Variants in BOD1 observed in about 807,000 individuals in gnomAD.
BOD1 encodes biorientation of chromosomes in cell division 1, also known as biorientation of chromosomes in cell division protein 1.
A neutral mutation model predicts 15.7 loss-of-function variants in BOD1; 11 were observed. The ratio of observed to expected loss-of-function variants is 0.70; its 90% confidence interval spans 0.44 to 1.16. The LOEUF (loss-of-function observed/expected upper bound fraction) is 1.16, where lower values mean the gene tolerates loss of function less well. BOD1 is among the 50% of genes most tolerant of loss of function. The probability of loss-of-function intolerance (pLI) is 0.00; values close to 1 mark genes in which losing one functional copy is unlikely to be tolerated. For missense variants in BOD1, 182 were observed against 244.5 expected (o/e 0.74, Z 1.70); for synonymous variants, 105 against 103.5 (o/e 1.01, Z -0.09).
intron 2 of BOD1, among the ~76,000 whole-genome samples, chr5:173,612,119 C>G (rs1197929451): frequency 6.6e-6 from 1 of 152,240 alleles, no homozygotes; most frequent in Non-Finnish European, 1.5e-5. Flanking sequence ...AGGCACTGGG[C>G]ATCTTCTGCT....
At chr5:173,609,165 C>T (rs895841915) in intron 3 of BOD1, 73 bp downstream of exon 3, 2 of 1,422,558 alleles carry the variant, frequency 1.4e-6, no homozygotes, top group Middle Eastern at 2.5e-4. Flanking sequence ...TTACGGCCTA[C>T]CCCATTCCTA....
chr5:173,614,259 T>C (rs552082978), intron 1 of BOD1, among the ~76,000 whole-genome samples: 1 of 152,340 alleles, frequency 6.6e-6, no homozygotes, highest in East Asian at 1.9e-4. Flanking sequence ...CTTGTAAGCA[T>C]AAATCCTGAT....
At chr5:173,616,139 G>A (rs1320857987) in intron 1 of BOD1, 61 bp downstream of exon 1, 3 of 1,539,454 alleles carry the variant, frequency 1.9e-6, no homozygotes, top group Non-Finnish European at 2.6e-6. Context: ...GAAAATCAAA[G>A]CTGCCACCCG....
chr5:173,613,108 A>C (rs1015352570), intron 2 of BOD1, 23 bp downstream of exon 2: 2 of 1,475,516 alleles, frequency 1.4e-6, no homozygotes, highest in Middle Eastern at 1.8e-4. Flanking sequence ...CCTTTTCAAA[A>C]GCTTTAAATT....
At chr5:173,615,324 C>T (rs1167149274) in intron 1 of BOD1, among the ~76,000 whole-genome samples, 1 of 152,190 alleles carries the variant, frequency 6.6e-6, no homozygotes, top group East Asian at 1.9e-4. Flanking sequence ...AATAAACGTT[C>T]AACGAATAAA....
At chr5:173,616,099 A>T in intron 1 of BOD1, 101 bp downstream of exon 1, 1 of 1,436,986 alleles carries the variant, frequency 7.0e-7, no homozygotes, top group Non-Finnish European at 9.4e-7. Context: ...TGAGATTTCT[A>T]AGCTATCTTT....
Position 173,608,040 on chromosome 5 carries a change from C to T in BOD1, c.*254G>A. On this transcript the variant is annotated 3_prime_UTR_variant, in exon 4 of 4. Coordinates refer to ENST00000311086, the MANE Select transcript of BOD1 (RefSeq NM_138369.3). ...AACCCTGGGTTGCTGTAGTGTTTCT[C>T]TCTCTGTAGTGTCTACTTGGTGTCA... The T allele has an allele frequency of 4.2e-6, 2 of 475,714 alleles. No individual in the cohort carries two copies. The highest frequency in any genetic ancestry group is 5.8e-5 in the East Asian group (2 of 34,368). 29.5% of individuals were successfully genotyped at this position (475,714 alleles called of 1,614,324 possible).
At chr5:173,613,681 C>A (rs543288935) in intron 1 of BOD1, among the ~76,000 whole-genome samples, 1 of 152,176 alleles carries the variant, frequency 6.6e-6, no homozygotes, top group Non-Finnish European at 1.5e-5. Context: ...AGCATTACTG[C>A]GGCAAAGTTT....
intron 2 of BOD1, among the ~76,000 whole-genome samples, chr5:173,612,833 G>A (rs1358880810): frequency 3.3e-5 from 5 of 152,180 alleles, no homozygotes; most frequent in African/African-American, 1.2e-4. Flanking sequence ...TCACATATAT[G>A]TTTGGACAAC....
chr5:173,608,400 A>C lies in BOD1; in HGVS notation c.*2-108T>G, dbSNP rs748897687. Reference sequence around the variant, plus strand: ...AATTAAAAAGAAAGACTTAAAATGAATGTTTTACACTCCATATTGGACTCA... The same window carrying C: ...AATTAAAAAGAAAGACTTAAAATGACTGTTTTACACTCCATATTGGACTCA... On this transcript the variant is annotated intron_variant, in intron 3 of 3. Transcript: ENST00000311086. 1.7e-5 allele frequency: 15 copies of C among 870,830 alleles called. No homozygotes were observed. In the Admixed American group the frequency reaches 2.8e-4, roughly 16 times the overall value. 53.9% of individuals were successfully genotyped at this position (870,830 alleles called of 1,614,324 possible). A position where few individuals can be genotyped will look rare whatever the true frequency, so the allele number is the denominator to read the frequency against.
intron 2 of BOD1, among the ~76,000 whole-genome samples, chr5:173,611,545 A>C (rs537444459): frequency 1.4e-3 from 209 of 148,574 alleles, no homozygotes; most frequent in African/African-American, 5.1e-3. Flanking sequence ...AAAAAAAAAA[A>C]CAACAACTTC....
At chr5:173,615,017 T>C (rs1755454983) in intron 1 of BOD1, among the ~76,000 whole-genome samples, 1 of 152,184 alleles carries the variant, frequency 6.6e-6, no homozygotes, top group African/African-American at 2.4e-5. Flanking sequence ...TGTTTTAAAA[T>C]CACACACAAA....
At chr5:173,612,843 C>G (rs1453308804) in intron 2 of BOD1, among the ~76,000 whole-genome samples, 1 of 152,218 alleles carries the variant, frequency 6.6e-6, no homozygotes, top group East Asian at 1.9e-4. Flanking sequence ...GTTTGGACAA[C>G]ACTGAAACTT....
At chr5:173,611,458 G>C (rs1010052729) in intron 2 of BOD1, among the ~76,000 whole-genome samples, 1 of 151,936 alleles carries the variant, frequency 6.6e-6, no homozygotes, top group African/African-American at 2.4e-5. Flanking sequence ...AAGAATTGTG[G>C]AGAAATGTCC....
intron 1 of BOD1, 120 bp from the exon 2 acceptor site, chr5:173,613,375 G>A: frequency 1.7e-6 from 2 of 1,197,870 alleles, no homozygotes; most frequent in East Asian, 2.5e-5. Flanking sequence ...CTTCCACTGT[G>A]CATGAAGATC....
chr5:173,616,013 G>T (rs1390896257), intron 1 of BOD1, among the ~76,000 whole-genome samples, 187 bp downstream of exon 1: 1 of 152,234 alleles, frequency 6.6e-6, no homozygotes, highest in Non-Finnish European at 1.5e-5. Flanking sequence ...AGTAGTAAAT[G>T]TATCAGGCAG....
chr5:173,611,081 A>G (rs1755338587), intron 2 of BOD1, among the ~76,000 whole-genome samples: 1 of 152,144 alleles, frequency 6.6e-6, no homozygotes, highest in Admixed American at 6.5e-5. Context: ...AGCATCCCCA[A>G]CTGACCAAAA....
chr5:173,612,188 T>C lies in BOD1; in HGVS notation c.362+943A>G, dbSNP rs149016845. On this transcript the variant is annotated intron_variant, in intron 2 of 3. Coordinates refer to ENST00000311086, the MANE Select transcript of BOD1 (RefSeq NM_138369.3). ...AAGTACTAGCTTGTTAGTAAAACAC[T>C]TTTAAAAACTTTAGAAATCTTAAAA... 1.0e-3 allele frequency among the ~76,000 whole-genome samples: 154 copies of C among 152,374 alleles called. 4 individuals carry two copies. In the East Asian group the frequency reaches 0.029, roughly 28 times the overall value.
chr5:173,616,345 C>G lies in BOD1; in HGVS notation c.92G>C (p.Gly31Ala), dbSNP rs1259178625. 2 of 1,527,048 alleles carry G rather than the reference C, an allele frequency of 1.3e-6. No homozygotes were observed. Among genetic ancestry groups the G allele is most frequent in the South Asian group, 1.2e-5 (1 of 83,282 alleles). The allele number at this position is 1,527,048 out of a possible 1,614,324, so 94.6% of individuals were successfully genotyped here. ...GATGGGGCCACCGCCCCCGCTGGCCCCAGTAGCGCCAGTCGCTGCCCCGGC... is the reference window on the plus strand; with the variant it reads ...GATGGGGCCACCGCCCCCGCTGGCCGCAGTAGCGCCAGTCGCTGCCCCGGC... ...ASAGAATGAT[G>A]ASGGGGPINP... Residue 31 changes from glycine (G) to alanine (A), a missense_variant, in exon 1 of 4, where the codon GGG becomes GCG. By Grantham distance (60) the Gly-to-Ala change is moderately conservative. This residue lies in a region of BOD1 where 72 missense variants were observed against 68.9 expected (regional missense o/e 1.05). Transcript: ENST00000311086.
Sources: gnomAD v4.1 joint callset for allele counts (sites outside exome capture counted in the v4.1 genomes callset) on GRCh38, gnomAD v4.1.1 for gene constraint, gnomAD v4.1.1 regional missense constraint, MANE v1.5 for transcripts, NCBI Gene and HGNC (gene_info 2026-07-23, HGNC 2026-07-21) for gene names.